The following HP1BP3 variants were observed in gnomAD, a reference collection of about 807,000 sequenced individuals.
HP1BP3 encodes heterochromatin protein 1 binding protein 3.
In HP1BP3, 12 loss-of-function variants were observed where a neutral mutation model predicts 62.5. The ratio of observed to expected loss-of-function variants is 0.19; its 90% CI spans 0.12 to 0.31. The LOEUF is 0.31. Among genes scored for constraint, HP1BP3 ranks in the 10% least tolerant of loss-of-function variants. HP1BP3 has a pLI of 1.00. For synonymous variants in HP1BP3, 260 were observed against 237.8 expected, an observed-to-expected ratio of 1.09 and a Z score of -0.86; for missense variants, 502 against 651.8, an observed-to-expected ratio of 0.77 and a Z score of 2.50.
chr1:20,785,938 C>T (rs1444655692), intron 1 of HP1BP3, among the ~76,000 whole-genome samples: 5 of 152,228 alleles, frequency 3.3e-5, no homozygotes, highest in Middle Eastern at 3.2e-3. Context: ...CACTCTAAGA[C>T]AAGACAGCGT....
chr1:20,783,527 A>G (rs900874258), intron 1 of HP1BP3, among the ~76,000 whole-genome samples: 3 of 151,678 alleles, frequency 2.0e-5, no homozygotes, highest in Non-Finnish European at 4.4e-5. Flanking sequence ...TCAAAAAACA[A>G]ACAACAACAA....
At chr1:20,777,721 A>G (rs1010789867) in intron 3 of HP1BP3, among the ~76,000 whole-genome samples, 3 of 152,102 alleles carry the variant, frequency 2.0e-5, no homozygotes, top group African/African-American at 7.2e-5. Flanking sequence ...GCCTCCCAAA[A>G]TTCTGGGATT....
intron 4 of HP1BP3, chr1:20,775,073 C>G (rs1479183153): frequency 2.0e-5 from 3 of 151,472 alleles, no homozygotes; most frequent in Non-Finnish European, 2.9e-5. Flanking sequence ...GTTTACTATA[C>G]TATACTTTTT....
intron 8 of HP1BP3, among the ~76,000 whole-genome samples, chr1:20,761,007 G>A (rs1012353261): frequency 1.3e-5 from 2 of 152,108 alleles, no homozygotes; most frequent in Non-Finnish European, 2.9e-5. Context: ...GAATGGTAGT[G>A]CAGGTGATGA....
chr1:20,759,449 A>G (rs932734016), intron 8 of HP1BP3, among the ~76,000 whole-genome samples: 1 of 152,214 alleles, frequency 6.6e-6, no homozygotes, highest in Non-Finnish European at 1.5e-5. Flanking sequence ...AATGTTCTCT[A>G]TCCTTCTTTG....
intron 3 of HP1BP3, among the ~76,000 whole-genome samples, chr1:20,779,009 C>T (rs968126211): frequency 5.3e-5 from 8 of 151,978 alleles, no homozygotes; most frequent in African/African-American, 9.7e-5. Context: ...AGGCTGGTCT[C>T]GAACTCCTGA....
intron 9 of HP1BP3, among the ~76,000 whole-genome samples, chr1:20,754,668 A>G (rs997961812): frequency 2.0e-5 from 3 of 152,174 alleles, no homozygotes; most frequent in African/African-American, 7.2e-5. Flanking sequence ...ATCCGGAAAT[A>G]AACCCTTATA....
At chr1:20,766,267 A>G (rs2056776813) in intron 7 of HP1BP3, among the ~76,000 whole-genome samples, 1 of 152,122 alleles carries the variant, frequency 6.6e-6, no homozygotes, top group Admixed American at 6.6e-5. Flanking sequence ...CTCCAGCCTG[A>G]GCAACAAGAG....
At chr1:20,759,684 G>A (rs1224608300) in intron 8 of HP1BP3, among the ~76,000 whole-genome samples, 1 of 152,066 alleles carries the variant, frequency 6.6e-6, no homozygotes, top group Non-Finnish European at 1.5e-5. Flanking sequence ...AAATAGTCAA[G>A]GCAGGCCTTT....
chr1:20,764,103 T>C (rs1195391675), intron 8 of HP1BP3, among the ~76,000 whole-genome samples: 2 of 152,342 alleles, frequency 1.3e-5, no homozygotes, highest in East Asian at 1.9e-4. Context: ...TAATTTCATT[T>C]GTGTAAAGTA....
At chr1:20,746,093 G>A (rs2055301683) in intron 11 of HP1BP3, among the ~76,000 whole-genome samples, 1 of 151,936 alleles carries the variant, frequency 6.6e-6, no homozygotes, top group African/African-American at 2.4e-5. Flanking sequence ...AAAGGTATTC[G>A]GCAAGGATCT....
At chr1:20,747,395 CG>C (rs2055411014) in intron 11 of HP1BP3, 148 bp downstream of exon 11, 1 of 561,286 alleles carries the variant, frequency 1.8e-6, no homozygotes, top group Admixed American at 3.7e-5. Flanking sequence ...TTTGGGTATG[CG>C]GGCAGTTCTG....
At chr1:20,784,031 A>G (rs938737824) in intron 1 of HP1BP3, among the ~76,000 whole-genome samples, 3 of 152,048 alleles carry the variant, frequency 2.0e-5, no homozygotes, top group Admixed American at 2.0e-4. Context: ...CTCAGGTTGT[A>G]GTATCACAGC....
In HP1BP3 at chr1:20,777,195, T is replaced by C. The variant is rs1014835456; in HGVS notation, c.197-445A>G. Among the ~76,000 whole-genome samples the C allele has an allele frequency of 1.1e-4, 17 of 151,922 alleles. No individual in the cohort carries two copies. In the East Asian group the frequency reaches 1.2e-3, roughly 10 times the overall value. The stretch of plus-strand genomic sequence containing the variant: ...TGGAGGTCTGCTGCTATTTGTGCCT[T>C]TCCTTCACAGCATGTCTCTGAGTAG... On this transcript the variant is annotated intron_variant, in intron 3 of 12. Transcript: ENST00000438032.
At chr1:20,764,689 TGG>T (rs770297491) in intron 8 of HP1BP3, among the ~76,000 whole-genome samples, 4 of 114,330 alleles carry the variant, frequency 3.5e-5, no homozygotes, top group African/African-American at 6.6e-5. Context: ...GATTTGGGTT[TGG>T]AAAAAAAAAA....
At chr1:20,773,722 C>T (rs2057165359) in intron 4 of HP1BP3, 112 bp from the exon 5 acceptor site, 4 of 737,424 alleles carry the variant, frequency 5.4e-6, no homozygotes, top group South Asian at 3.6e-5. Flanking sequence ...AATTTATTTA[C>T]AGGCTAAGAT....
Position 20,776,654 on chromosome 1 carries a change from C to G in HP1BP3, c.293G>C (p.Gly98Ala). 1 of 1,613,918 alleles carries G rather than the reference C, an allele frequency of 6.2e-7. No individual in the cohort carries two copies. Among genetic ancestry groups the G allele is most frequent in the Admixed American group, 1.7e-5 (1 of 60,000 alleles). The change falls in exon 4 of 13, where the codon GGG (glycine) becomes GCG (alanine). Residue 98 changes from glycine (G) to alanine (A), a missense_variant. Gly to Ala is a moderately conservative substitution (Grantham distance 60). This residue lies in a region of HP1BP3 where 165 missense variants were observed against 156.4 expected (regional missense o/e 1.05). Transcript: ENST00000438032. ...TTCCTTCTCTTCATTCTCAGGTTCC[C>G]CCTTTGGCTGCTCTGCCTCACTCGA... ...ATSSEAEQPK[G>A]EPENEEKEEN...
intron 4 of HP1BP3, chr1:20,775,900 C>A: frequency 6.9e-7 from 1 of 1,442,264 alleles, no homozygotes; most frequent in Non-Finnish European, 9.2e-7. Context: ...AGATGTATCT[C>A]TCAGAATGTA....
intron 3 of HP1BP3, among the ~76,000 whole-genome samples, chr1:20,777,557 C>A (rs953264882): frequency 6.6e-6 from 1 of 152,064 alleles, no homozygotes; most frequent in African/African-American, 2.4e-5. Context: ...TCCCCAGGTT[C>A]AAGCGATTCT....
Sources: gnomAD v4.1 joint callset for allele counts (sites outside exome capture counted in the v4.1 genomes callset) on GRCh38, gnomAD v4.1.1 for gene constraint, gnomAD v4.1.1 regional missense constraint, MANE v1.5 for transcripts, NCBI Gene and HGNC (gene_info 2026-07-23, HGNC 2026-07-21) for gene names.